LRRC4C: variants seen among roughly 807,000 people sequenced by gnomAD.
LRRC4C encodes leucine rich repeat containing 4C.
A neutral mutation model predicts 33.6 loss-of-function variants in LRRC4C; 5 were observed. The observed-to-expected ratio is 0.15, with a 90% CI of 0.08 to 0.31. LRRC4C has a LOEUF of 0.31. Ranked by LOEUF, LRRC4C falls within the 10% of genes least tolerant of loss-of-function variation. LRRC4C has a pLI of 1.00. For missense variants in LRRC4C, 560 were observed against 796.7 expected, an observed-to-expected ratio of 0.70 and a Z score of 3.58; for synonymous variants, 329 against 302.0, an observed-to-expected ratio of 1.09 and a Z score of -0.93.
intron 1 of LRRC4C, among the ~76,000 whole-genome samples, chr11:41,136,935 T>C (rs1943288647): frequency 6.6e-6 from 1 of 152,066 alleles, no homozygotes; most frequent in South Asian, 2.1e-4. Context: ...GTAAAAGTGT[T>C]TGGTTTCAAC....
chr11:41,452,496 A>G (rs759158618), intron 1 of LRRC4C, among the ~76,000 whole-genome samples: 1 of 152,156 alleles, frequency 6.6e-6, no homozygotes, highest in Non-Finnish European at 1.5e-5. Flanking sequence ...TGACAGTTTT[A>G]AGTGGAAGAA....
At chr11:40,963,282 C>T (rs1210565368) in intron 1 of LRRC4C, among the ~76,000 whole-genome samples, 3 of 151,706 alleles carry the variant, frequency 2.0e-5, no homozygotes, top group African/African-American at 7.3e-5. Context: ...TTAGTTATAT[C>T]TTTCCATTTT....
At chr11:41,406,998 C>T (rs1270774100) in intron 1 of LRRC4C, among the ~76,000 whole-genome samples, 1 of 151,984 alleles carries the variant, frequency 6.6e-6, no homozygotes. Context: ...CTTGTAATTA[C>T]AGTGTGGTAA....
intron 2 of LRRC4C, among the ~76,000 whole-genome samples, chr11:40,850,929 G>C (rs907034287): frequency 6.6e-6 from 1 of 151,702 alleles, no homozygotes; most frequent in South Asian, 2.1e-4. Context: ...TTTACACTAT[G>C]ACCAGGAAAA....
At chr11:40,402,535 T>C (rs1020261647) in intron 3 of LRRC4C, among the ~76,000 whole-genome samples, 2 of 152,098 alleles carry the variant, frequency 1.3e-5, no homozygotes, top group African/African-American at 4.8e-5. Context: ...CTGATACATA[T>C]AGTAGTTAAA....
At chr11:41,403,641 C>A (rs1434646330) in intron 1 of LRRC4C, among the ~76,000 whole-genome samples, 3 of 151,964 alleles carry the variant, frequency 2.0e-5, no homozygotes, top group Admixed American at 6.6e-5. Flanking sequence ...TTTGGGTTGC[C>A]GACAAAAACT....
rs1040362474 is a variant in LRRC4C, at chr11:40,890,662, T to C, written c.-407+42973A>G. Among the ~76,000 whole-genome samples the C allele has an allele frequency of 2.0e-4, 30 of 152,288 alleles. No individual in the cohort carries two copies. The East Asian group carries it at 4.4e-3, about 23-fold the overall frequency. The stretch of plus-strand genomic sequence containing the variant: ...CATTGTTCTATGGGAGTAGAATAGC[T>C]GAACATGGAGAGAAAATACAGAATG... On this transcript the variant is annotated intron_variant, in intron 2 of 6. Coordinates refer to ENST00000528697, the MANE Select transcript of LRRC4C (RefSeq NM_001258419.2).
intron 2 of LRRC4C, among the ~76,000 whole-genome samples, chr11:40,911,857 T>A (rs1956712907): frequency 6.6e-6 from 1 of 152,178 alleles, no homozygotes; most frequent in South Asian, 2.1e-4. Context: ...TTCAAGGACC[T>A]GATGGAGCTG....
intron 3 of LRRC4C, among the ~76,000 whole-genome samples, chr11:40,588,752 A>G (rs1958887296): frequency 6.6e-6 from 1 of 152,158 alleles, no homozygotes; most frequent in Admixed American, 6.5e-5. Context: ...GTCGTTCAGG[A>G]GCAGGTTGTT....
At chr11:41,059,949 C>A (rs538497301) in intron 1 of LRRC4C, among the ~76,000 whole-genome samples, 1 of 151,622 alleles carries the variant, frequency 6.6e-6, no homozygotes. Context: ...CACTTGAACC[C>A]GGGAGGCAGA....
intron 1 of LRRC4C, among the ~76,000 whole-genome samples, chr11:41,161,020 C>T (rs1944447408): frequency 1.3e-5 from 2 of 152,160 alleles, no homozygotes; most frequent in East Asian, 1.9e-4. Context: ...TTCTTATGTG[C>T]TGTAGGTCAT....
intron 2 of LRRC4C, among the ~76,000 whole-genome samples, chr11:40,860,855 C>T (rs1954060676): frequency 1.7e-5 from 2 of 115,638 alleles, no homozygotes; most frequent in African/African-American, 6.7e-5. Context: ...AGAAATAACT[C>T]CTTATTGGAA....
At chr11:41,272,087 G>A (rs1286754669) in intron 1 of LRRC4C, among the ~76,000 whole-genome samples, 2 of 152,120 alleles carry the variant, frequency 1.3e-5, no homozygotes, top group Non-Finnish European at 2.9e-5. Flanking sequence ...GGGAAAAAAA[G>A]GAAAGGAAGT....
intron 1 of LRRC4C, among the ~76,000 whole-genome samples, chr11:41,016,160 G>GA (rs34322329): frequency 0.36 from 54,001 of 149,966 alleles, 10,562 homozygotes; most frequent in East Asian, 0.51. Context: ...TCTTAGTATA[G>GA]AAAAAAAAAA....
chr11:41,246,644 C>G (rs1370368798), intron 1 of LRRC4C, among the ~76,000 whole-genome samples: 2 of 152,200 alleles, frequency 1.3e-5, no homozygotes, highest in Non-Finnish European at 2.9e-5. Context: ...AGTGGCCACT[C>G]CAGACTGGCT....
chr11:41,004,870 T>C (rs1352438760), intron 1 of LRRC4C, among the ~76,000 whole-genome samples: 2 of 152,138 alleles, frequency 1.3e-5, no homozygotes. Context: ...TAAAATCACG[T>C]GGCATTTTAA....
chr11:40,936,026 AT>A lies in LRRC4C; in HGVS notation c.-495-2304del, dbSNP rs1407621749. ...AAGATGCCAAATTTTATATATATAT[AT>A]ATATATATATATATATATATATATA... is the stretch of plus-strand genomic sequence containing the variant. On this transcript the variant is annotated intron_variant, in intron 1 of 6. Transcript: ENST00000528697. 1.5e-3 allele frequency among the ~76,000 whole-genome samples: 70 copies of A among 45,638 alleles called. 2 individuals are homozygous for A. Among genetic ancestry groups the A allele is most frequent in the Non-Finnish European group, 2.5e-3 (59 of 23,216 alleles). 29.9% of individuals were successfully genotyped at this position (45,638 alleles called of 152,430 possible).
chr11:41,367,886 T>C (rs1057283780), intron 1 of LRRC4C, among the ~76,000 whole-genome samples: 2 of 152,138 alleles, frequency 1.3e-5, no homozygotes, highest in Non-Finnish European at 2.9e-5. Context: ...TTAAAAAGGT[T>C]ATCAGCCTAG....
chr11:40,208,947 A>ATGTG (rs1863365624), intron 5 of LRRC4C, among the ~76,000 whole-genome samples: 1 of 41,876 alleles, frequency 2.4e-5, no homozygotes, highest in African/African-American at 6.2e-5. Flanking sequence ...TCTTTTGTGC[A>ATGTG]CGTGTGTGTG....
Sources: allele counts gnomAD v4.1 joint callset (sites outside exome capture counted in the v4.1 genomes callset), GRCh38; gene constraint gnomAD v4.1.1; transcripts MANE v1.5; gene names NCBI Gene and HGNC (gene_info 2026-07-23, HGNC 2026-07-21).